The following DYNC2I1 variants were observed in gnomAD, a reference collection of about 807,000 sequenced individuals.
The protein encoded by DYNC2I1 is dynein 2 intermediate chain 1.
Under a neutral mutation model 133.4 loss-of-function variants are expected in DYNC2I1, and 89 were observed. That is an observed-to-expected ratio of 0.67 (90% CI 0.56 to 0.80). The LOEUF (loss-of-function observed/expected upper bound fraction) is 0.80. Among genes scored for constraint, DYNC2I1 ranks in the 30% least tolerant of loss-of-function variants. DYNC2I1 has a pLI of 0.00. For missense variants in DYNC2I1, 1,291 were observed against 1,314.5 expected (o/e 0.98, Z 0.28); for synonymous variants, 504 against 484.3 (o/e 1.04, Z -0.54).
chr7:158,882,830 C>G (rs971222507), intron 5 of DYNC2I1, among the ~76,000 whole-genome samples: 2 of 148,844 alleles, frequency 1.3e-5, no homozygotes, highest in African/African-American at 5.0e-5. Context: ...GAACTGAGAT[C>G]GTGCCACTGC....
intron 5 of DYNC2I1, among the ~76,000 whole-genome samples, chr7:158,882,100 C>G (rs745912866): frequency 1.3e-5 from 2 of 152,078 alleles, no homozygotes; most frequent in Admixed American, 6.5e-5. Flanking sequence ...CAAATTAGTC[C>G]CAGAAGAAAG....
At chr7:158,954,450 G>A (rs1852147683) in intron 4 of DYNC2I1, among the ~76,000 whole-genome samples, 1 of 152,188 alleles carries the variant, frequency 6.6e-6, no homozygotes. Context: ...CTCAAGACCA[G>A]CCTTTTGGGA....
downstream of DYNC2I1, among the ~76,000 whole-genome samples, chr7:158,950,328 G>A (rs1289804260): frequency 6.6e-6 from 1 of 152,242 alleles, no homozygotes; most frequent in Non-Finnish European, 1.5e-5. Context: ...GCCTCCCGAA[G>A]TGCTGGGATT....
At chr7:158,900,527 A>G (rs1449425103) in intron 8 of DYNC2I1, among the ~76,000 whole-genome samples, 1 of 152,086 alleles carries the variant, frequency 6.6e-6, no homozygotes, top group African/African-American at 2.4e-5. Context: ...TGAATATAAG[A>G]TGCCTAGGTG....
rs575714144 is a variant in DYNC2I1, at chr7:158,913,717, T to A, written c.1703-516T>A. On this transcript the variant is annotated intron_variant, in intron 13 of 24. Coordinates refer to ENST00000407559, the MANE Select transcript of DYNC2I1 (RefSeq NM_018051.5). Reference sequence around the variant, plus strand: ...TTAAATTGATGCCTTTGAAAAAAAATTTTTTTTTTGAGATGGAGCCTTGCT... The same window carrying A: ...TTAAATTGATGCCTTTGAAAAAAAAATTTTTTTTTGAGATGGAGCCTTGCT... Among the ~76,000 whole-genome samples, 37 of 151,178 alleles carry A rather than the reference T, an allele frequency of 2.4e-4. No individual in the cohort carries two copies. In the South Asian group the frequency reaches 6.3e-3, roughly 26 times the overall value.
At chr7:158,889,200 C>A (rs539078299) in intron 7 of DYNC2I1, among the ~76,000 whole-genome samples, 1 of 151,936 alleles carries the variant, frequency 6.6e-6, no homozygotes, top group Non-Finnish European at 1.5e-5. Flanking sequence ...CCTGCCTCAG[C>A]CTCCTGAGTA....
chr7:158,846,330 A>G, the DYNC2I1 span, among the ~76,000 whole-genome samples: 2 of 152,186 alleles, frequency 1.3e-5, no homozygotes, highest in South Asian at 4.1e-4. Context: ...AAAGAAAGTT[A>G]TAGATATAAA....
At chr7:158,929,369 C>T (rs938076767) in intron 20 of DYNC2I1, among the ~76,000 whole-genome samples, 3 of 152,214 alleles carry the variant, frequency 2.0e-5, no homozygotes, top group Admixed American at 1.3e-4. Flanking sequence ...CTTACTGGAG[C>T]GGAGGCGCAG....
chr7:158,897,032 A>T (rs1845823782), intron 8 of DYNC2I1, among the ~76,000 whole-genome samples: 1 of 146,232 alleles, frequency 6.8e-6, no homozygotes, highest in Non-Finnish European at 1.5e-5. Flanking sequence ...CTCCCAGGCT[A>T]AAGTGCAGTG....
At chr7:158,947,402 T>G (rs1396990970), downstream of DYNC2I1, among the ~76,000 whole-genome samples, 1 of 152,250 alleles carries the variant, frequency 6.6e-6, no homozygotes, top group African/African-American at 2.4e-5. Context: ...TATTTAAAGT[T>G]AGAATGAATA....
At chr7:158,862,211 T>C (rs1047620194) in intron 1 of DYNC2I1, among the ~76,000 whole-genome samples, 28 of 152,204 alleles carry the variant, frequency 1.8e-4, no homozygotes, top group African/African-American at 6.5e-4. Flanking sequence ...AAATTAATTA[T>C]AGAGACTATC....
At chr7:158,845,317 G>A in the DYNC2I1 span, among the ~76,000 whole-genome samples, 1 of 152,032 alleles carries the variant, frequency 6.6e-6, no homozygotes, top group South Asian at 2.1e-4. Flanking sequence ...AAATTAAATA[G>A]CCCAAATGCT....
At chr7:158,871,901 T>C (rs1401413187) in intron 3 of DYNC2I1, among the ~76,000 whole-genome samples, 1 of 152,258 alleles carries the variant, frequency 6.6e-6, no homozygotes, top group Non-Finnish European at 1.5e-5. Flanking sequence ...TCATTTGTTA[T>C]TTTTGTTTTC....
chr7:158,864,140 C>T (rs1842190271), intron 1 of DYNC2I1, among the ~76,000 whole-genome samples: 1 of 151,616 alleles, frequency 6.6e-6, no homozygotes, highest in African/African-American at 2.4e-5. Flanking sequence ...AGCAGACGTT[C>T]TTAGCTCTGG....
chr7:158,876,743 G>A, intron 4 of DYNC2I1, 52 bp downstream of exon 4: 1 of 1,499,902 alleles, frequency 6.7e-7, no homozygotes, highest in South Asian at 1.4e-5. Flanking sequence ...CCAAGTAAAG[G>A]ATGTTTTAAG....
intron 10 of DYNC2I1, 109 bp from the exon 11 acceptor site, chr7:158,905,880 T>C (rs1846752628): frequency 1.3e-6 from 1 of 755,286 alleles, no homozygotes; most frequent in Admixed American, 2.6e-5. Flanking sequence ...TTGAAGGGTT[T>C]ATTGACTATA....
rs756346855 is a variant in DYNC2I1 at position 158,901,246 on chromosome 7, A to G, written c.1060-493A>G. On this transcript the variant is annotated intron_variant, in intron 8 of 24. Coordinates refer to ENST00000407559, the MANE Select transcript of DYNC2I1 (RefSeq NM_018051.5). ...CCACCATGCCCAGCTAATTTTTTGT[A>G]TTTTTGGTAGAGATGCGGTTTCGCC... 1.2e-4 allele frequency among the ~76,000 whole-genome samples: 19 copies of G among 152,068 alleles called. 1 individual carries two copies. Among genetic ancestry groups the G allele is most frequent in the Non-Finnish European group, 1.8e-4 (12 of 67,980 alleles).
At chr7:158,939,418 T>G (rs967991170) in intron 23 of DYNC2I1, among the ~76,000 whole-genome samples, 3 of 152,188 alleles carry the variant, frequency 2.0e-5, no homozygotes, top group Admixed American at 2.0e-4. Flanking sequence ...TGTACTTCAG[T>G]CTAGGTCACA....
intron 17 of DYNC2I1, 56 bp from the exon 18 acceptor site, chr7:158,926,131 C>T: frequency 7.3e-7 from 1 of 1,361,546 alleles, no homozygotes; most frequent in East Asian, 2.4e-5. Context: ...GTGATGCGAA[C>T]TGCATTTCTT....
Sources: gnomAD v4.1 joint callset for allele counts (sites outside exome capture counted in the v4.1 genomes callset) on GRCh38, gnomAD v4.1.1 for gene constraint, MANE v1.5 for transcripts, NCBI Gene and HGNC (gene_info 2026-07-23, HGNC 2026-07-21) for gene names.